Variants in PTBP3 observed in about 807,000 individuals in gnomAD.
PTBP3 encodes the protein polypyrimidine tract binding protein 3.
A neutral mutation model predicts 58.7 loss-of-function variants in PTBP3; 20 were observed. That is an observed-to-expected ratio of 0.34 (90% CI 0.24 to 0.50). The LOEUF is 0.50. Ranked by LOEUF, PTBP3 falls within the 20% of genes least tolerant of loss-of-function variation. The pLI is 0.98. For missense variants in PTBP3, 509 were observed against 637.2 expected, an observed-to-expected ratio of 0.80 and a Z score of 2.17; for synonymous variants, 185 against 219.8, an observed-to-expected ratio of 0.84 and a Z score of 1.40.
chr9:112,284,093 C>T (rs1827997992), intron 2 of PTBP3, among the ~76,000 whole-genome samples: 1 of 149,280 alleles, frequency 6.7e-6, no homozygotes, highest in South Asian at 2.1e-4. Context: ...TAGGGCAGTG[C>T]AGAAGGGAAA....
intron 11 of PTBP3, 105 bp downstream of exon 11, chr9:112,228,275 T>C: frequency 1.4e-6 from 1 of 690,836 alleles, no homozygotes; most frequent in Non-Finnish European, 2.4e-6. Flanking sequence ...CACAAGGAGG[T>C]GTTCTTTTGT....
intron 1 of PTBP3, among the ~76,000 whole-genome samples, chr9:112,317,475 A>G: frequency 6.6e-6 from 1 of 152,172 alleles, no homozygotes; most frequent in East Asian, 1.9e-4. Flanking sequence ...AAAGAGTAAA[A>G]CTGATGAAAT....
chr9:112,236,237 C>T (rs1260644822), intron 7 of PTBP3, among the ~76,000 whole-genome samples: 1 of 151,916 alleles, frequency 6.6e-6, no homozygotes, highest in South Asian at 2.1e-4. Context: ...AGAATTAGCA[C>T]AGAGAATTGA....
Position 112,262,573 on chromosome 9 carries a change from G to T in PTBP3, c.378C>A (p.Val126=). ...QARAQAALQA[V]SAVQSGSLAL... ...CCAGGCTTCCTGATTGGACGGCACT[G>T]ACAGCCTGCAGTGCAGCTTGGGCTC... is the stretch of plus-strand genomic sequence containing the variant. The change falls in exon 5 of 14, where the codon GTC becomes GTA. Residue 126 remains valine, a synonymous_variant. Transcript: ENST00000374257. 6.2e-7 allele frequency: 1 copy of T among 1,607,266 alleles called. No individual in the cohort carries two copies. The highest frequency in any genetic ancestry group is 1.1e-5 in the South Asian group (1 of 89,586).
intron 8 of PTBP3, among the ~76,000 whole-genome samples, chr9:112,233,496 A>AG (rs1835326845): frequency 6.6e-6 from 1 of 152,162 alleles, no homozygotes; most frequent in African/African-American, 2.4e-5. Context: ...AAATAAATAA[A>AG]CTATGTTTTT....
At chr9:112,327,829 A>G (rs1367682866) in intron 1 of PTBP3, among the ~76,000 whole-genome samples, 1 of 152,008 alleles carries the variant, frequency 6.6e-6, no homozygotes, top group Admixed American at 6.6e-5. Context: ...CAAAATGAGA[A>G]AGCTTAAGTT....
intron 2 of PTBP3, among the ~76,000 whole-genome samples, chr9:112,282,359 G>A (rs1042520206): frequency 6.6e-6 from 1 of 151,636 alleles, no homozygotes; most frequent in African/African-American, 2.4e-5. Context: ...AGTTTTTTCT[G>A]TCACTGACTT....
the PTBP3 span, among the ~76,000 whole-genome samples, chr9:112,362,290 C>T: frequency 6.6e-6 from 1 of 152,146 alleles, no homozygotes; most frequent in Non-Finnish European, 1.5e-5. Flanking sequence ...CAAAGTAAGA[C>T]CCTGTCTAGC....
chr9:112,262,454 G>GT lies in PTBP3; in HGVS notation c.496dup (p.Thr166AsnfsTer11). 1 of 1,602,294 alleles carries GT rather than the reference G, an allele frequency of 6.2e-7. No individual in the cohort carries two copies. On this transcript the variant is annotated frameshift_variant, in exon 5 of 14. Coordinates refer to ENST00000374257, the MANE Select transcript of PTBP3 (RefSeq NM_001163788.4). LOFTEE classifies it high-confidence loss of function. Reference sequence around the variant, plus strand: ...CCTTACCTGATGAAGAACTTCCAGGGTAACAGGGTAAAAGAGGTTTTCAAT... The same window carrying GT: ...CCTTACCTGATGAAGAACTTCCAGGGTTAACAGGGTAAAAGAGGTTTTCAAT...
intron 2 of PTBP3, among the ~76,000 whole-genome samples, chr9:112,278,403 C>T (rs1306199011): frequency 6.6e-6 from 1 of 152,164 alleles, no homozygotes; most frequent in Non-Finnish European, 1.5e-5. Flanking sequence ...CTTGCTCAAC[C>T]AGCATAAGGA....
chr9:112,330,982 T>C (rs1276533957), intron 1 of PTBP3, among the ~76,000 whole-genome samples: 2 of 151,962 alleles, frequency 1.3e-5, no homozygotes, highest in Non-Finnish European at 2.9e-5. Context: ...AATACAAACA[T>C]CACATTTCAG....
At chr9:112,288,249 A>C (rs1389871866) in intron 2 of PTBP3, among the ~76,000 whole-genome samples, 1 of 152,108 alleles carries the variant, frequency 6.6e-6, no homozygotes, top group Non-Finnish European at 1.5e-5. Context: ...TCACTCAAAT[A>C]TCTCTCCCAG....
chr9:112,241,585 A>AT (rs1835662873), intron 7 of PTBP3, among the ~76,000 whole-genome samples: 1 of 152,188 alleles, frequency 6.6e-6, no homozygotes, highest in Non-Finnish European at 1.5e-5. Flanking sequence ...TATAGTATAC[A>AT]TTATGGTAAC....
At chr9:112,266,802 A>C (rs994666613) in intron 4 of PTBP3, among the ~76,000 whole-genome samples, 1 of 152,204 alleles carries the variant, frequency 6.6e-6, no homozygotes, top group Non-Finnish European at 1.5e-5. Flanking sequence ...ATCTCTGGGT[A>C]ACTGGATTGG....
chr9:112,333,931 C>G (rs1830502193), upstream of PTBP3, among the ~76,000 whole-genome samples: 1 of 150,422 alleles, frequency 6.6e-6, no homozygotes, highest in African/African-American at 2.4e-5. Flanking sequence ...CTCCGCCGCG[C>G]ACCCCGCCCG....
At chr9:112,291,105 C>T (rs13296714) in intron 2 of PTBP3, among the ~76,000 whole-genome samples, 168 of 152,040 alleles carry the variant, frequency 1.1e-3, no homozygotes, top group Non-Finnish European at 1.7e-3. Context: ...GCCTGTAGTC[C>T]CAGCTACTTG....
intron 2 of PTBP3, among the ~76,000 whole-genome samples, chr9:112,290,299 T>A (rs1043899136): frequency 2.6e-5 from 4 of 152,174 alleles, no homozygotes; most frequent in African/African-American, 9.7e-5. Context: ...TATGAAAATA[T>A]AATCGATTTC....
At chr9:112,290,999 A>C (rs1242700287) in intron 2 of PTBP3, among the ~76,000 whole-genome samples, 20 of 152,042 alleles carry the variant, frequency 1.3e-4, no homozygotes, top group Admixed American at 1.2e-3. Context: ...AGGTGAGCGG[A>C]TCACCTGAGG....
At chr9:112,352,237 G>T in the PTBP3 span, among the ~76,000 whole-genome samples, 1 of 152,108 alleles carries the variant, frequency 6.6e-6, no homozygotes, top group Non-Finnish European at 1.5e-5. Flanking sequence ...TTTTATTAAA[G>T]TACAGTATTT....
Sources: gnomAD v4.1 joint callset for allele counts (sites outside exome capture counted in the v4.1 genomes callset) on GRCh38, gnomAD v4.1.1 for gene constraint, MANE v1.5 for transcripts, NCBI Gene and HGNC (gene_info 2026-07-23, HGNC 2026-07-21) for gene names.